The following IL12RB2 variants were observed in gnomAD, a reference collection of about 807,000 sequenced individuals.
IL12RB2 encodes interleukin-12 receptor subunit beta-2.
In IL12RB2, 82 loss-of-function variants were observed where a neutral mutation model predicts 89.4. That is an observed-to-expected ratio of 0.92 (90% CI 0.77 to 1.10). IL12RB2 has a LOEUF of 1.10. Among genes scored for constraint, IL12RB2 ranks in the 50% least tolerant of loss-of-function variants. The pLI, the probability that IL12RB2 is intolerant of heterozygous loss-of-function variation, is 0.00. For missense variants in IL12RB2, 963 were observed against 1,031.9 expected (o/e 0.93, Z 0.92); for synonymous variants, 368 against 370.1 (o/e 0.99, Z 0.07).
rs545168639 is a variant in IL12RB2 at position 67,382,774 on chromosome 1, T to C, written c.1855+2651T>C. Among the ~76,000 whole-genome samples, 29 of 151,414 alleles carry C rather than the reference T, an allele frequency of 1.9e-4. No homozygotes were observed. The South Asian group carries it at 5.7e-3, about 30-fold the overall frequency. ...AGGCTGGAGTATAGTGGCATGATCA[T>C]AGCTCACTGCAGCCTCAAAATCCTG... On this transcript the variant is annotated intron_variant, in intron 14 of 16. Coordinates refer to ENST00000674203, the MANE Select transcript of IL12RB2 (RefSeq NM_001374259.2).
intron 1 of IL12RB2, among the ~76,000 whole-genome samples, chr1:67,310,454 T>C (rs920253016): frequency 3.9e-5 from 6 of 152,158 alleles, no homozygotes; most frequent in Non-Finnish European, 8.8e-5. Context: ...ATGTCTTAAA[T>C]GATAGGTGGC....
At chr1:67,376,510 G>A (rs190218186) in intron 13 of IL12RB2, among the ~76,000 whole-genome samples, 307 of 152,178 alleles carry the variant, frequency 2.0e-3, no homozygotes, top group African/African-American at 7.1e-3. Context: ...TTTTCAGACC[G>A]CCAAGGATTG....
At chr1:67,355,422 G>GAAAAAAAAA (rs1171395256) in intron 10 of IL12RB2, among the ~76,000 whole-genome samples, 3 of 93,676 alleles carry the variant, frequency 3.2e-5, no homozygotes, top group African/African-American at 4.1e-5. Flanking sequence ...GTCTCAAAAA[G>GAAAAAAAAA]AAAAAAAAAA....
chr1:67,337,361 G>A (rs1178637442), intron 8 of IL12RB2, among the ~76,000 whole-genome samples: 1 of 152,170 alleles, frequency 6.6e-6, no homozygotes, highest in Non-Finnish European at 1.5e-5. Flanking sequence ...AGTTGTTTCT[G>A]CTGGTTCCAC....
intron 9 of IL12RB2, among the ~76,000 whole-genome samples, chr1:67,343,681 A>C (rs1659912751): frequency 6.6e-6 from 1 of 152,148 alleles, no homozygotes; most frequent in Admixed American, 6.5e-5. Context: ...TTTCTAGTTA[A>C]AACAGCATGT....
At position 67,350,988 on chromosome 1, in the gene IL12RB2, T is replaced by G; in HGVS notation, c.1157T>G (p.Val386Gly). 1 of 1,614,126 alleles carries G rather than the reference T, an allele frequency of 6.2e-7. No individual in the cohort carries two copies. The stretch of plus-strand genomic sequence containing the variant: ...ACAGGACACACCTCCTGGACCACAG[T>G]CATTCCTAGAACCGGAAATTGGGCT... ...NITGHTSWTT[V>G]IPRTGNWAVA... is the part of the protein sequence containing the mutation. Residue 386 changes from valine (V) to glycine (G), a missense_variant, in exon 10 of 17, where the codon GTC (valine) becomes GGC (glycine). Coordinates refer to ENST00000674203, the MANE Select transcript of IL12RB2 (RefSeq NM_001374259.2).
intron 8 of IL12RB2, among the ~76,000 whole-genome samples, chr1:67,335,459 C>T (rs910934543): frequency 6.6e-6 from 1 of 152,114 alleles, no homozygotes; most frequent in Non-Finnish European, 1.5e-5. Flanking sequence ...TCCTTTTGCT[C>T]GGTGAAGTCT....
chr1:67,324,528 G>A (rs1018881046), intron 4 of IL12RB2, among the ~76,000 whole-genome samples: 19 of 152,020 alleles, frequency 1.2e-4, no homozygotes, highest in African/African-American at 4.3e-4. Context: ...GCTAATTTTT[G>A]TATTTTTAGT....
chr1:67,383,919 T>G (rs138534265), intron 14 of IL12RB2, among the ~76,000 whole-genome samples: 3,044 of 152,348 alleles, frequency 0.02, 48 homozygotes, highest in Non-Finnish European at 0.029. Flanking sequence ...CCCACAGCCT[T>G]GGGCAGCTCC....
In IL12RB2 at chr1:67,395,707, A is replaced by G; in HGVS notation, c.2207A>G (p.His736Arg). 1 of 1,614,216 alleles carries G rather than the reference A, an allele frequency of 6.2e-7. No homozygotes were observed. The highest frequency in any genetic ancestry group is 8.5e-7 in the Non-Finnish European group (1 of 1,180,040). ...CAAAGGGAAAAAGGAATCCAAGGTC[A>G]TCAGGCCTCTGAGAAAGACATGATG... ...WPQREKGIQG[H>R]QASEKDMMHS... is the part of the protein sequence containing the mutation. The change falls in exon 17 of 17, where the codon CAT becomes CGT. Residue 736 changes from histidine (H) to arginine (R), a missense_variant. His to Arg is a conservative substitution (Grantham distance 29). Transcript: ENST00000674203.
chr1:67,380,203 A>ATAATCAGATT, intron 14 of IL12RB2, 80 bp downstream of exon 14: 1 of 1,457,882 alleles, frequency 6.9e-7, no homozygotes, highest in African/African-American at 1.4e-5. Flanking sequence ...TGGTATAGAG[A>ATAATCAGATT]TAATCAGATT....
intron 9 of IL12RB2, among the ~76,000 whole-genome samples, chr1:67,350,514 G>A (rs1304061044): frequency 1.3e-5 from 2 of 152,252 alleles, no homozygotes; most frequent in Non-Finnish European, 2.9e-5. Context: ...CTTGGGCTGT[G>A]TAAACAGTAG....
intron 8 of IL12RB2, among the ~76,000 whole-genome samples, chr1:67,336,106 C>T (rs1032016766): frequency 6.6e-6 from 1 of 152,130 alleles, no homozygotes; most frequent in African/African-American, 2.4e-5. Flanking sequence ...CCTGATTTTA[C>T]AAATGTCTGG....
chr1:67,392,525 C>A (rs1026854598), intron 16 of IL12RB2, among the ~76,000 whole-genome samples: 1 of 150,756 alleles, frequency 6.6e-6, no homozygotes, highest in Non-Finnish European at 1.5e-5. Flanking sequence ...CACTATGATA[C>A]ATATGAAATG....
At chr1:67,386,139 G>A (rs17129946) in intron 14 of IL12RB2, among the ~76,000 whole-genome samples, 5,832 of 149,924 alleles carry the variant, frequency 0.039, 406 homozygotes, top group African/African-American at 0.14. Context: ...AACCCGGGAG[G>A]CGGAGATTGC....
intron 10 of IL12RB2, among the ~76,000 whole-genome samples, chr1:67,354,555 G>T (rs921756042): frequency 1.1e-4 from 16 of 152,246 alleles, no homozygotes; most frequent in Non-Finnish European, 2.9e-5. Flanking sequence ...TCAGAGCCGA[G>T]CTGTCGTTAA....
chr1:67,353,371 C>G (rs1320075640), intron 10 of IL12RB2, among the ~76,000 whole-genome samples: 1 of 151,994 alleles, frequency 6.6e-6, no homozygotes, highest in Non-Finnish European at 1.5e-5. Context: ...AAGTTTGAGA[C>G]CAGCCAGGCC....
At chr1:67,314,766 T>TGG (rs1655541028) in intron 2 of IL12RB2, among the ~76,000 whole-genome samples, 1 of 152,206 alleles carries the variant, frequency 6.6e-6, no homozygotes, top group Non-Finnish European at 1.5e-5. Flanking sequence ...GGAAAGAGGC[T>TGG]GGTCAGGGAG....
rs558242158 is a variant in IL12RB2, at chr1:67,370,894, CA to C, written c.1460-1537del. ...TCCTCCGCTAAAGGTAAGCCATTCA[CA>C]AAAATAAACCACAACTTCTAATGCA... On this transcript the variant is annotated intron_variant, in intron 11 of 16. Transcript: ENST00000674203. Among the ~76,000 whole-genome samples the C allele has an allele frequency of 1.1e-4, 17 of 152,298 alleles. 1 individual carries two copies. In the South Asian group the frequency reaches 3.3e-3, roughly 30 times the overall value.
Sources: gnomAD v4.1 joint callset for allele counts (sites outside exome capture counted in the v4.1 genomes callset) on GRCh38, gnomAD v4.1.1 for gene constraint, MANE v1.5 for transcripts, NCBI Gene and HGNC (gene_info 2026-07-23, HGNC 2026-07-21) for gene names.